The following PDZD2 variants were observed in gnomAD, a reference collection of about 807,000 sequenced individuals.
PDZD2 encodes PDZ domain containing 2.
PDZD2 carries 90 observed loss-of-function variants against 220.7 expected under a neutral mutation model. That is an observed-to-expected ratio of 0.41 (90% confidence interval 0.34 to 0.49). The LOEUF is 0.49. Among genes scored for constraint, PDZD2 ranks in the 20% least tolerant of loss-of-function variants. The pLI is 0.28. For missense variants in PDZD2, 3,174 were observed against 3,608.5 expected, an observed-to-expected ratio of 0.88 and a Z score of 3.08; for synonymous variants, 1,375 against 1,450.5, an observed-to-expected ratio of 0.95 and a Z score of 1.18.
chr5:32,052,913 C>A (rs537525075), intron 9 of PDZD2, among the ~76,000 whole-genome samples, 183 bp downstream of exon 9: 4 of 152,190 alleles, frequency 2.6e-5, no homozygotes, highest in Non-Finnish European at 5.9e-5. Context: ...TGGGCTCAAG[C>A]AGTGCTCCCA....
chr5:31,799,733 G>A lies in PDZD2; in HGVS notation c.476+9G>A. ...GATGTCAGTGGGGCCAGGTAAGTAGGGGGAATGCCTGCTGGCACAGGGGCT... is the reference window on the plus strand; with the variant it reads ...GATGTCAGTGGGGCCAGGTAAGTAGAGGGAATGCCTGCTGGCACAGGGGCT... On this transcript the variant is annotated intron_variant, in intron 2 of 24. Transcript: ENST00000438447. 6.3e-7 allele frequency: 1 copy of A among 1,576,390 alleles called. No homozygotes were observed. Among genetic ancestry groups the A allele is most frequent in the South Asian group, 1.1e-5 (1 of 90,276 alleles).
chr5:32,048,389 T>G, intron 7 of PDZD2, 150 bp from the exon 8 acceptor site: 1 of 626,720 alleles, frequency 1.6e-6, no homozygotes, highest in Admixed American at 2.9e-5. Context: ...GCTATTAGGA[T>G]GGGCTAGGCT....
chr5:32,099,487 ACTT>A (rs1227515608), intron 23 of PDZD2: 1 of 152,298 alleles, frequency 6.6e-6, no homozygotes, highest in Non-Finnish European at 1.5e-5. Context: ...AATGAGAAAC[ACTT>A]CTTGTCCAGA....
intron 2 of PDZD2, among the ~76,000 whole-genome samples, chr5:31,852,232 A>G (rs1758099591): frequency 6.6e-6 from 1 of 152,180 alleles, no homozygotes; most frequent in African/African-American, 2.4e-5. Context: ...TGGGGGCAGA[A>G]TATTTCTTTG....
chr5:32,062,871 G>A (rs574064283), intron 14 of PDZD2, among the ~76,000 whole-genome samples: 1 of 152,170 alleles, frequency 6.6e-6, no homozygotes, highest in Non-Finnish European at 1.5e-5. Flanking sequence ...CATTCTGAAA[G>A]TGGGAGTTCT....
At chr5:31,979,307 C>T (rs562134090) in intron 2 of PDZD2, among the ~76,000 whole-genome samples, 23 of 152,232 alleles carry the variant, frequency 1.5e-4, no homozygotes, top group Non-Finnish European at 2.8e-4. Context: ...TGGTAGCTCA[C>T]GCCTGTAATC....
chr5:31,800,332 G>T (rs554407069), intron 2 of PDZD2, among the ~76,000 whole-genome samples: 2 of 152,342 alleles, frequency 1.3e-5, no homozygotes, highest in African/African-American at 4.8e-5. Flanking sequence ...CAGTGGAGTT[G>T]TGCAGACGGT....
intron 1 of PDZD2, among the ~76,000 whole-genome samples, chr5:31,755,548 A>T (rs611588): frequency 6.7e-6 from 1 of 150,308 alleles, no homozygotes; most frequent in Non-Finnish European, 1.5e-5. Flanking sequence ...GGAGGCTCCA[A>T]CTCCACGCAT....
In PDZD2 at chr5:32,063,600, T is replaced by A. The variant is rs143772350; in HGVS notation, c.2451+2466T>A. Among the ~76,000 whole-genome samples, 70 of 152,312 alleles carry A rather than the reference T, an allele frequency of 4.6e-4. 1 individual carries two copies. Among genetic ancestry groups the A allele is most frequent in the Non-Finnish European group, 8.4e-4 (57 of 68,028 alleles). ...CTCCCTCCAGCCAGGGCGATTCAGA[T>A]CATCTATTCTCATCCTATATCAAAT... On this transcript the variant is annotated intron_variant, in intron 14 of 24. Transcript: ENST00000438447.
chr5:31,641,370 G>T (rs1369368034), intron 1 of PDZD2, among the ~76,000 whole-genome samples: 2 of 152,160 alleles, frequency 1.3e-5, no homozygotes, highest in South Asian at 2.1e-4. Context: ...GGAGGAAAAA[G>T]AAGTCACTTT....
intron 6 of PDZD2, among the ~76,000 whole-genome samples, chr5:32,024,534 T>G (rs1418907087): frequency 6.6e-6 from 1 of 151,920 alleles, no homozygotes; most frequent in Non-Finnish European, 1.5e-5. Flanking sequence ...ACTACAAAAA[T>G]TAGCTGGGTG....
intron 7 of PDZD2, among the ~76,000 whole-genome samples, chr5:32,038,370 T>TAC (rs1377532006): frequency 7.0e-4 from 106 of 150,490 alleles, no homozygotes; most frequent in African/African-American, 2.3e-3. Flanking sequence ...TCTACTAAAA[T>TAC]ACACACACAC....
In PDZD2 at chr5:31,722,793, G is replaced by A. The variant is rs535125018; in HGVS notation, c.-360-76096G>A. Reference sequence around the variant, plus strand: ...CAACCTCTGCCTCCCGGGCTCAAGCGATTCTCCTGCTCAGCTGCCCAAGTA... The same window carrying A: ...CAACCTCTGCCTCCCGGGCTCAAGCAATTCTCCTGCTCAGCTGCCCAAGTA... On this transcript the variant is annotated intron_variant, in intron 1 of 24. Transcript: ENST00000438447. 4.6e-5 allele frequency among the ~76,000 whole-genome samples: 7 copies of A among 151,966 alleles called. No homozygotes were observed. In the South Asian group the frequency reaches 1.0e-3, roughly 23 times the overall value.
intron 2 of PDZD2, among the ~76,000 whole-genome samples, chr5:31,929,152 C>T (rs1321701680): frequency 6.6e-6 from 1 of 152,170 alleles, no homozygotes; most frequent in Non-Finnish European, 1.5e-5. Flanking sequence ...AGTTTTGAAT[C>T]TGAATGCTTT....
Position 32,073,944 on chromosome 5 carries a change from C to G in PDZD2, c.2838C>G (p.Pro946=). 1 of 1,614,074 alleles carries G rather than the reference C, an allele frequency of 6.2e-7. No homozygotes were observed. The highest frequency in any genetic ancestry group is 1.7e-5 in the Admixed American group (1 of 60,026). Residue 946 remains proline (P), a synonymous_variant, in exon 18 of 25, where the codon CCC becomes CCG. Coordinates refer to ENST00000438447, the MANE Select transcript of PDZD2 (RefSeq NM_178140.4). ...CAGTTGCCAGACAAGCCAGTCTCCC[C>G]GGAAGCCCACAGGCCCTCCGAAACC... ...QVTVARQASL[P]GSPQALRNPL...
In PDZD2 at chr5:31,983,454, G is replaced by C; in HGVS notation, c.776G>C (p.Gly259Ala). The change falls in exon 3 of 25, where the codon GGA becomes GCA. Residue 259 changes from glycine to alanine, a missense_variant. Coordinates refer to ENST00000438447, the MANE Select transcript of PDZD2 (RefSeq NM_178140.4). ...ELENGPDPELGNGHVFQLENG... is the reference protein window; with the variant it reads ...ELENGPDPELANGHVFQLENG... Reference sequence around the variant, plus strand: ...GAGAACGGCCCTGACCCTGAACTTGGAAACGGCCATGTCTTTCAGCTAGAA... The same window carrying C: ...GAGAACGGCCCTGACCCTGAACTTGCAAACGGCCATGTCTTTCAGCTAGAA... 1 of 1,614,174 alleles carries C rather than the reference G, an allele frequency of 6.2e-7. No individual in the cohort carries two copies. The highest frequency in any genetic ancestry group is 1.1e-5 in the South Asian group (1 of 91,078).
chr5:32,081,528 G>A (rs1208555662), intron 19 of PDZD2, among the ~76,000 whole-genome samples: 4 of 152,090 alleles, frequency 2.6e-5, no homozygotes, highest in African/African-American at 9.7e-5. Flanking sequence ...CCCGATTACC[G>A]GATCTCTAAA....
intron 1 of PDZD2, among the ~76,000 whole-genome samples, chr5:31,670,795 G>T (rs1185480354): frequency 6.6e-6 from 1 of 152,118 alleles, no homozygotes; most frequent in Non-Finnish European, 1.5e-5. Context: ...CAGAAATGAG[G>T]AGGAAGAGGG....
rs535078731 is a variant in PDZD2 at position 32,009,730 on chromosome 5, A to C, written c.1255-600A>C. The stretch of plus-strand genomic sequence containing the variant: ...TGGGTGACAGAATGAGACCTTGTCT[A>C]TTAAAAAAAAAAATGATTGTTTTAT... On this transcript the variant is annotated intron_variant, in intron 5 of 24. Coordinates refer to ENST00000438447, the MANE Select transcript of PDZD2 (RefSeq NM_178140.4). Among the ~76,000 whole-genome samples, 45 of 150,570 alleles carry C rather than the reference A, an allele frequency of 3.0e-4. 1 individual carries two copies. In the South Asian group the frequency reaches 4.6e-3, roughly 15 times the overall value.
Sources: allele counts gnomAD v4.1 joint callset (sites outside exome capture counted in the v4.1 genomes callset), GRCh38; gene constraint gnomAD v4.1.1; transcripts MANE v1.5; gene names NCBI Gene and HGNC (gene_info 2026-07-23, HGNC 2026-07-21).